Variants in RPGRIP1 observed in about 807,000 individuals in gnomAD.
The protein encoded by RPGRIP1 is RPGR interacting protein 1.
RPGRIP1 carries 128 observed loss-of-function variants against 157.9 expected under a neutral mutation model. That is an observed-to-expected ratio of 0.81 (90% confidence interval 0.70 to 0.94). The LOEUF (loss-of-function observed/expected upper bound fraction) is 0.94, where lower values mean the gene tolerates loss of function less well. Ranked by LOEUF, RPGRIP1 falls within the 40% of genes least tolerant of loss-of-function variation. The pLI is 0.00. For missense variants in RPGRIP1, 1,486 were observed against 1,545.8 expected, an observed-to-expected ratio of 0.96 and a Z score of 0.65; for synonymous variants, 554 against 571.6, an observed-to-expected ratio of 0.97 and a Z score of 0.44.
chr14:21,297,289 T>G (rs1408391971), intron 3 of RPGRIP1, among the ~76,000 whole-genome samples: 1 of 152,108 alleles, frequency 6.6e-6, no homozygotes, highest in African/African-American at 2.4e-5. Flanking sequence ...GAGACAGGGT[T>G]TCACCATGTT....
In RPGRIP1 at chr14:21,313,944, C is replaced by CT. The variant is rs537298482; in HGVS notation, c.1151+1454dup. On this transcript the variant is annotated intron_variant, in intron 10 of 24. Transcript: ENST00000400017. ...GCAAAGGGGCACCTTCACTTTTATT[C>CT]TTTTTTTTTTTTTTTTCTCTTGAGA... 1.7e-3 allele frequency among the ~76,000 whole-genome samples: 230 copies of CT among 137,200 alleles called. 2 individuals carry two copies. The highest frequency in any genetic ancestry group is 0.016 in the South Asian group (70 of 4,266). 90.0% of individuals were successfully genotyped at this position (137,200 alleles called of 152,430 possible). A position where few individuals can be genotyped will look rare whatever the true frequency, so the allele number is the denominator to read the frequency against.
chr14:21,350,512 G>A (rs1886138279), intron 24 of RPGRIP1, among the ~76,000 whole-genome samples: 1 of 151,990 alleles, frequency 6.6e-6, no homozygotes, highest in Non-Finnish European at 1.5e-5. Flanking sequence ...CATTTTTTGA[G>A]GAATACTCCT....
At chr14:21,324,368 GT>G (rs1191986387) in intron 14 of RPGRIP1, 1 of 554,888 alleles carries the variant, frequency 1.8e-6, no homozygotes, top group Non-Finnish European at 3.2e-6. Flanking sequence ...GTTTTCCTAA[GT>G]TTAGCATCTA....
At chr14:21,316,538 TC>T (rs1881820410) in intron 10 of RPGRIP1, among the ~76,000 whole-genome samples, 1 of 151,888 alleles carries the variant, frequency 6.6e-6, no homozygotes, top group African/African-American at 2.4e-5. Flanking sequence ...AGCCTCAGCC[TC>T]CCAAGTAGCT....
intron 10 of RPGRIP1, chr14:21,317,467 C>G: frequency 1.9e-6 from 2 of 1,048,218 alleles, no homozygotes; most frequent in Non-Finnish European, 2.7e-6. Flanking sequence ...GGTGTTTGCT[C>G]AGTCAGATAT....
At chr14:21,303,816 G>C (rs1881152495) in intron 6 of RPGRIP1, among the ~76,000 whole-genome samples, 1 of 151,484 alleles carries the variant, frequency 6.6e-6, no homozygotes, top group South Asian at 2.1e-4. Context: ...GAGAAACCCT[G>C]TCTCTACTAA....
chr14:21,307,860 C>T lies in RPGRIP1; in HGVS notation c.906+24C>T, dbSNP rs147319614. The T allele has an allele frequency of 6.3e-4, 849 of 1,343,518 alleles. 3 individuals carry two copies. The African/African-American group carries it at 0.011, about 18-fold the overall frequency. 83.2% of individuals were successfully genotyped at this position (1,343,518 alleles called of 1,614,324 possible). ...AGGTGAGTTGCCATCATCAGCTGTGCTTTCTTGGTGGGGGGAAACCCCAAT... is the reference window on the plus strand; with the variant it reads ...AGGTGAGTTGCCATCATCAGCTGTGTTTTCTTGGTGGGGGGAAACCCCAAT... On this transcript the variant is annotated intron_variant, in intron 7 of 24. Transcript: ENST00000400017.
At chr14:21,343,446 C>T (rs1183900051) in intron 22 of RPGRIP1, among the ~76,000 whole-genome samples, 1 of 152,178 alleles carries the variant, frequency 6.6e-6, no homozygotes, top group African/African-American at 2.4e-5. Context: ...ATCACTTCGC[C>T]TGTTCCCACC....
intron 1 of RPGRIP1, among the ~76,000 whole-genome samples, chr14:21,287,658 C>T (rs1390018367): frequency 6.6e-6 from 1 of 152,062 alleles, no homozygotes; most frequent in Non-Finnish European, 1.5e-5. Context: ...AAGGGATGGT[C>T]ATCGGCTTCC....
chr14:21,330,418 T>C (rs778190971), intron 20 of RPGRIP1, 31 bp downstream of exon 20: 53 of 1,423,346 alleles, frequency 3.7e-5, no homozygotes, highest in Non-Finnish European at 4.6e-5. Context: ...TTTTTTTTCC[T>C]AGCACTTTGG....
chr14:21,292,566 G>A (rs563773176), intron 2 of RPGRIP1, among the ~76,000 whole-genome samples: 1 of 152,106 alleles, frequency 6.6e-6, no homozygotes, highest in African/African-American at 2.4e-5. Context: ...AATTGGCCAG[G>A]CATGGTGGCT....
rs1388726376 is a variant in RPGRIP1 at position 21,343,150 on chromosome 14, C to T, written c.3454C>T (p.Pro1152Ser). 2.2e-5 allele frequency: 35 copies of T among 1,613,584 alleles called. No homozygotes were observed. The highest frequency in any genetic ancestry group is 3.0e-5 in the Non-Finnish European group (35 of 1,179,610). ...TGTGGAGTACAAATTCTACGACCTA[C>T]CCTTGTCGGAGACAGAGACTCCAGT... The part of the protein sequence containing the change: ...VYVEYKFYDL[P>S]LSETETPVSL... Residue 1152 changes from proline to serine, a missense_variant, in exon 22 of 25, where the codon CCC becomes TCC. Physicochemically the swap from Pro to Ser is moderately conservative, Grantham distance 74 (BLOSUM62 -1). Coordinates refer to ENST00000400017, the MANE Select transcript of RPGRIP1 (RefSeq NM_020366.4).
chr14:21,304,865 G>A (rs1881231602), intron 6 of RPGRIP1, among the ~76,000 whole-genome samples: 1 of 151,612 alleles, frequency 6.6e-6, no homozygotes, highest in South Asian at 2.1e-4. Flanking sequence ...GCAGTGGCGT[G>A]ATCTCGGCTC....
chr14:21,287,254 C>T (rs1200090750), intron 1 of RPGRIP1, among the ~76,000 whole-genome samples: 3 of 152,020 alleles, frequency 2.0e-5, no homozygotes, highest in African/African-American at 2.4e-5. Context: ...AAAAATTAGC[C>T]GGGTGCAGTA....
At chr14:21,343,547 G>C (rs1208337955) in intron 22 of RPGRIP1, among the ~76,000 whole-genome samples, 1 of 152,122 alleles carries the variant, frequency 6.6e-6, no homozygotes, top group Non-Finnish European at 1.5e-5. Context: ...CTAGAATGCA[G>C]TGGTGTGATC....
chr14:21,345,111 A>G lies in RPGRIP1; in HGVS notation c.3533-2A>G, dbSNP rs1416794391. ...TGCTTTTTTCTCTTACCCTTAATAC[A>G]GTAATAGACCTGGACCCACAGGAGC... On this transcript the variant is annotated splice_acceptor_variant, in intron 22 of 24. Coordinates refer to ENST00000400017, the MANE Select transcript of RPGRIP1 (RefSeq NM_020366.4). LOFTEE classifies it high-confidence loss of function. 3.7e-6 allele frequency: 6 copies of G among 1,605,940 alleles called. No individual in the cohort carries two copies. In the East Asian group the frequency reaches 6.7e-5, roughly 18 times the overall value.
Position 21,303,548 on chromosome 14 carries a change from G to C in RPGRIP1, c.800+5G>C. Reference sequence around the variant, plus strand: ...TCAGAAGGCTGCAGAGCTTCGGTAAGAGTGTGGCACTCCATGCCTCAAACC... The same window carrying C: ...TCAGAAGGCTGCAGAGCTTCGGTAACAGTGTGGCACTCCATGCCTCAAACC... On this transcript the variant is annotated splice_donor_5th_base_variant and intron_variant, in intron 6 of 24. Coordinates refer to ENST00000400017, the MANE Select transcript of RPGRIP1 (RefSeq NM_020366.4). 1.2e-6 allele frequency: 2 copies of C among 1,610,254 alleles called. No individual in the cohort carries two copies. The highest frequency in any genetic ancestry group is 1.3e-5 in the African/African-American group (1 of 74,980).
chr14:21,290,813 C>T (rs1480796708), intron 2 of RPGRIP1, among the ~76,000 whole-genome samples: 8 of 136,916 alleles, frequency 5.8e-5, no homozygotes, highest in Admixed American at 3.8e-4. Context: ...AGTGAGACTC[C>T]GTCTCAAAAA....
chr14:21,326,262 A>T, intron 17 of RPGRIP1, 89 bp downstream of exon 17: 2 of 852,672 alleles, frequency 2.3e-6, no homozygotes, highest in Non-Finnish European at 3.6e-6. Flanking sequence ...TACTTGCTTG[A>T]AACAGTCTCT....
Sources: gnomAD v4.1 joint callset for allele counts (sites outside exome capture counted in the v4.1 genomes callset) on GRCh38, gnomAD v4.1.1 for gene constraint, MANE v1.5 for transcripts, NCBI Gene and HGNC (gene_info 2026-07-23, HGNC 2026-07-21) for gene names.